The following DNER variants were observed in gnomAD, a reference collection of about 807,000 sequenced individuals.
The protein encoded by DNER is delta/notch like EGF repeat containing.
Under a neutral mutation model 78.2 loss-of-function variants are expected in DNER, and 33 were observed. The observed-to-expected ratio is 0.42, with a 90% CI of 0.32 to 0.56. The LOEUF (loss-of-function observed/expected upper bound fraction) is 0.56. Among genes scored for constraint, DNER ranks in the 20% least tolerant of loss-of-function variants. DNER has a pLI of 0.11. For synonymous variants in DNER, 417 were observed against 384.8 expected, an observed-to-expected ratio of 1.08 and a Z score of -0.98; for missense variants, 918 against 975.3, an observed-to-expected ratio of 0.94 and a Z score of 0.78.
chr2:229,554,857 A>AAAGAGAAGAGAAGAG lies in DNER; in HGVS notation c.848-7780_848-7766dup, dbSNP rs869140188. 1.4e-3 allele frequency among the ~76,000 whole-genome samples: 71 copies of AAAGAGAAGAGAAGAG among 51,252 alleles called. 1 individual carries two copies. Among genetic ancestry groups the AAAGAGAAGAGAAGAG allele is most frequent in the East Asian group, 3.0e-3 (4 of 1,332 alleles). 33.6% of individuals were successfully genotyped at this position (51,252 alleles called of 152,430 possible). A position where few individuals can be genotyped will look rare whatever the true frequency, so the allele number is the denominator to read the frequency against. Reference sequence around the variant, plus strand: ...GTGACAGAGTAAGACCCTGAAAGGAAAAGAGAAGAGAAGAGAAGAGAAGAG... The same window carrying AAAGAGAAGAGAAGAG: ...GTGACAGAGTAAGACCCTGAAAGGAAAAGAGAAGAGAAGAGAAGAGAAGAGAAGAGAAGAGAAGAG... On this transcript the variant is annotated intron_variant, in intron 4 of 12. Transcript: ENST00000341772.
At chr2:229,389,680 G>T (rs559747850) in intron 10 of DNER, among the ~76,000 whole-genome samples, 2 of 152,176 alleles carry the variant, frequency 1.3e-5, no homozygotes, top group Admixed American at 1.3e-4. Context: ...TTTACCTTAC[G>T]TTTATAAAAC....
chr2:229,706,512 G>A lies in DNER; in HGVS notation c.276+7636C>T, dbSNP rs146910959. Among the ~76,000 whole-genome samples, 1,398 of 151,514 alleles carry A rather than the reference G, an allele frequency of 9.2e-3. 23 individuals carry two copies. Among genetic ancestry groups the A allele is most frequent in the African/African-American group, 0.032 (1,328 of 41,250 alleles). The stretch of plus-strand genomic sequence containing the variant: ...TGAGAGGTGGAGGCAGCAGTGAGCC[G>A]AGATCACACCACTGCACTACAGCCT... On this transcript the variant is annotated intron_variant, in intron 1 of 12. Transcript: ENST00000341772.
Position 229,418,217 on chromosome 2 carries a change from G to C in DNER, c.1500C>G (p.Leu500=). 2 of 1,614,042 alleles carry C rather than the reference G, an allele frequency of 1.2e-6. No homozygotes were observed. The highest frequency in any genetic ancestry group is 8.5e-7 in the Non-Finnish European group (1 of 1,179,988). Reference sequence around the variant, plus strand: ...ACTCATTATATTCCTCCTCACAGTAGAGGCCATGGTAACCTGAGGGACAGA... The same window carrying C: ...ACTCATTATATTCCTCCTCACAGTACAGGCCATGGTAACCTGAGGGACAGA... ...KCLCDPGYHG[L]YCEEEYNECL... The change falls in exon 9 of 13, where the codon CTC becomes CTG. Residue 500 remains leucine, a synonymous_variant. Transcript: ENST00000341772.
intron 1 of DNER, among the ~76,000 whole-genome samples, chr2:229,676,925 G>A (rs1304993655): frequency 2.0e-5 from 3 of 152,124 alleles, no homozygotes; most frequent in Admixed American, 6.5e-5. Flanking sequence ...GGGTGGATAG[G>A]AACGAGTCTC....
At chr2:229,475,692 G>T (rs749257362) in intron 7 of DNER, among the ~76,000 whole-genome samples, 1 of 152,158 alleles carries the variant, frequency 6.6e-6, no homozygotes, top group Non-Finnish European at 1.5e-5. Context: ...GAGGGCCATT[G>T]TTTATTACCA....
intron 1 of DNER, among the ~76,000 whole-genome samples, chr2:229,596,058 T>C (rs1195385615): frequency 6.6e-6 from 1 of 152,210 alleles, no homozygotes; most frequent in African/African-American, 2.4e-5. Context: ...TTTTTTTCTT[T>C]CCCCACTAGA....
At chr2:229,617,291 C>T (rs1260604030) in intron 1 of DNER, among the ~76,000 whole-genome samples, 3 of 152,156 alleles carry the variant, frequency 2.0e-5, no homozygotes, top group East Asian at 1.9e-4. Context: ...CAAATAATTG[C>T]AACCTAATTG....
At chr2:229,441,024 T>A (rs1184533116) in intron 8 of DNER, among the ~76,000 whole-genome samples, 2 of 152,170 alleles carry the variant, frequency 1.3e-5, no homozygotes, top group African/African-American at 4.8e-5. Flanking sequence ...ATGCCAAATG[T>A]CTGCAAGTCT....
Position 229,712,252 on chromosome 2 carries a change from C to T in DNER, c.276+1896G>A, listed in dbSNP as rs1699922712. ...CAATGTTATGTATTAGTTCCTGACT[C>T]TTCGGAATGAATTATATTATACATC... On this transcript the variant is annotated intron_variant, in intron 1 of 12. Coordinates refer to ENST00000341772, the MANE Select transcript of DNER (RefSeq NM_139072.4). 2.6e-5 allele frequency among the ~76,000 whole-genome samples: 4 copies of T among 152,354 alleles called. 1 individual carries two copies. In the Middle Eastern group the frequency reaches 0.01, roughly 389 times the overall value.
chr2:229,516,669 C>CA (rs1306964980), intron 5 of DNER, among the ~76,000 whole-genome samples: 3 of 151,646 alleles, frequency 2.0e-5, no homozygotes, highest in Admixed American at 6.6e-5. Flanking sequence ...GACGTAGTGC[C>CA]AGCTATTGGG....
chr2:229,466,473 C>G (rs1433846205), intron 7 of DNER, among the ~76,000 whole-genome samples: 1 of 152,182 alleles, frequency 6.6e-6, no homozygotes. Flanking sequence ...GACTCTCCCT[C>G]CAGCCCTCAG....
At chr2:229,669,367 TAC>T (rs1224985385) in intron 1 of DNER, among the ~76,000 whole-genome samples, 1 of 140,636 alleles carries the variant, frequency 7.1e-6, no homozygotes, top group East Asian at 2.0e-4. Context: ...TATGTATACA[TAC>T]ATATATATAT....
chr2:229,433,000 C>T (rs181967470), intron 8 of DNER, among the ~76,000 whole-genome samples: 38 of 152,130 alleles, frequency 2.5e-4, no homozygotes, highest in African/African-American at 4.8e-4. Flanking sequence ...AGTGCAAAGG[C>T]GCAATCTAGG....
chr2:229,419,525 C>T (rs4972900), intron 8 of DNER, among the ~76,000 whole-genome samples: 81,196 of 152,028 alleles, frequency 0.53, 25,412 homozygotes, highest in Non-Finnish European at 0.71. Flanking sequence ...TTAGAACATG[C>T]TAATATGTTG....
intron 12 of DNER, among the ~76,000 whole-genome samples, chr2:229,360,668 T>TC (rs1692191124): frequency 6.6e-6 from 1 of 152,148 alleles, no homozygotes; most frequent in South Asian, 2.1e-4. Context: ...CGCCTCGGCC[T>TC]CCCAAAGTGC....
At chr2:229,653,865 G>A (rs560527286) in intron 1 of DNER, among the ~76,000 whole-genome samples, 1 of 152,258 alleles carries the variant, frequency 6.6e-6, no homozygotes, top group African/African-American at 2.4e-5. Flanking sequence ...GCTTAGTACA[G>A]GCTAATGGTT....
rs150329285 is a variant in DNER, at chr2:229,713,987, G to A, written c.276+161C>T. On this transcript the variant is annotated intron_variant, in intron 1 of 12. Coordinates refer to ENST00000341772, the MANE Select transcript of DNER (RefSeq NM_139072.4). ...TAAGGGAATCAGGGTCGGCCCGGGG[G>A]TCCGCGTCCACGCGGGCCAAGAGAC... Among the ~76,000 whole-genome samples, 712 of 152,304 alleles carry A rather than the reference G, an allele frequency of 4.7e-3. 6 individuals are homozygous for A. The highest frequency in any genetic ancestry group is 6.4e-3 in the Non-Finnish European group (438 of 68,018).
At chr2:229,680,720 T>A (rs1699372622) in intron 1 of DNER, among the ~76,000 whole-genome samples, 1 of 152,234 alleles carries the variant, frequency 6.6e-6, no homozygotes. Flanking sequence ...TTGACAAAAC[T>A]AATGATTGCC....
chr2:229,626,335 A>G (rs2154215606), intron 1 of DNER, among the ~76,000 whole-genome samples: 1 of 152,286 alleles, frequency 6.6e-6, no homozygotes, highest in East Asian at 1.9e-4. Context: ...ATTACATGCA[A>G]CTCCGAACAA....
Sources: allele counts gnomAD v4.1 joint callset (sites outside exome capture counted in the v4.1 genomes callset), GRCh38; gene constraint gnomAD v4.1.1; transcripts MANE v1.5; gene names NCBI Gene and HGNC (gene_info 2026-07-23, HGNC 2026-07-21).